TSHZ2: variants seen among roughly 807,000 people sequenced by gnomAD.
TSHZ2 encodes the protein teashirt zinc finger homeobox 2.
Under a neutral mutation model 74.4 loss-of-function variants are expected in TSHZ2, and 21 were observed. The ratio of observed to expected loss-of-function variants is 0.28; its 90% confidence interval spans 0.20 to 0.41. TSHZ2 has a LOEUF of 0.41. Ranked by LOEUF, TSHZ2 falls within the 10% of genes least tolerant of loss-of-function variation. The probability of loss-of-function intolerance (pLI) is 1.00; values close to 1 mark genes in which losing one functional copy is unlikely to be tolerated. For synonymous variants in TSHZ2, 540 were observed against 515.3 expected (o/e 1.05, Z -0.65); for missense variants, 1,244 against 1,293.5 (o/e 0.96, Z 0.59).
At chr20:52,991,094 G>A (rs1981968294) in intron 1 of TSHZ2, among the ~76,000 whole-genome samples, 1 of 151,786 alleles carries the variant, frequency 6.6e-6, no homozygotes, top group African/African-American at 2.4e-5. Flanking sequence ...GGCAGGGGAA[G>A]AGAGCATGAA....
chr20:53,142,427 A>G (rs1237669739), intron 1 of TSHZ2, among the ~76,000 whole-genome samples: 1 of 152,216 alleles, frequency 6.6e-6, no homozygotes, highest in East Asian at 1.9e-4. Context: ...ACCAGGTCAC[A>G]TGTACAGGCT....
intron 1 of TSHZ2, among the ~76,000 whole-genome samples, chr20:53,009,030 TCA>T (rs1555814422): frequency 7.1e-5 from 10 of 141,354 alleles, no homozygotes; most frequent in African/African-American, 1.3e-4. Context: ...TCTCTCTCTC[TCA>T]AAATATCTTG....
chr20:53,242,679 A>G (rs1990100187), intron 1 of TSHZ2, among the ~76,000 whole-genome samples: 1 of 152,150 alleles, frequency 6.6e-6, no homozygotes. Flanking sequence ...ATCCAAAGCA[A>G]TATTCTGTTT....
At chr20:53,358,278 A>C (rs927958715) in intron 2 of TSHZ2, among the ~76,000 whole-genome samples, 4 of 151,460 alleles carry the variant, frequency 2.6e-5, no homozygotes, top group Non-Finnish European at 5.9e-5. Flanking sequence ...AACTGGGACA[A>C]AATCCTAGCA....
chr20:53,340,501 T>G (rs905865824), intron 2 of TSHZ2, among the ~76,000 whole-genome samples: 1 of 152,110 alleles, frequency 6.6e-6, no homozygotes, highest in African/African-American at 2.4e-5. Context: ...CAAGGTGATT[T>G]TTCAAAAAAT....
At chr20:53,001,984 G>T (rs1982458825) in intron 1 of TSHZ2, among the ~76,000 whole-genome samples, 1 of 152,170 alleles carries the variant, frequency 6.6e-6, no homozygotes, top group Non-Finnish European at 1.5e-5. Flanking sequence ...AACGGAAGTT[G>T]TCAACACTCA....
chr20:53,470,770 G>A (rs62206377), intron 2 of TSHZ2, among the ~76,000 whole-genome samples: 18 of 152,086 alleles, frequency 1.2e-4, no homozygotes, highest in African/African-American at 3.1e-4. Flanking sequence ...CGGAGATTGC[G>A]CCACTGCACT....
At chr20:53,109,291 T>C in intron 1 of TSHZ2, among the ~76,000 whole-genome samples, 1 of 152,244 alleles carries the variant, frequency 6.6e-6, no homozygotes, top group East Asian at 1.9e-4. Context: ...GCTCATCTAC[T>C]CTCAGGTAAT....
At chr20:52,994,740 C>G (rs964787595) in intron 1 of TSHZ2, among the ~76,000 whole-genome samples, 4 of 152,146 alleles carry the variant, frequency 2.6e-5, no homozygotes, top group African/African-American at 9.7e-5. Flanking sequence ...TGGTTGGCCA[C>G]TCTGAGTGTT....
At chr20:53,217,877 C>CA (rs1359438864) in intron 1 of TSHZ2, among the ~76,000 whole-genome samples, 1 of 152,008 alleles carries the variant, frequency 6.6e-6, no homozygotes, top group African/African-American at 2.4e-5. Flanking sequence ...CCTTTGCAAA[C>CA]AAAAAAACTA....
Position 53,255,423 on chromosome 20 carries a change from G to T in TSHZ2, c.1965G>T (p.Glu655Asp). The change falls in exon 2 of 3, where the codon GAG (glutamate) becomes GAT (aspartate). Residue 655 changes from glutamate (E) to aspartate (D), a missense_variant. Around this residue, in one of 6 missense-constraint regions of TSHZ2, gnomAD observed 562 missense variants for 544.0 expected, o/e 1.03. Transcript: ENST00000371497. This position sits in a 1 kb window ranked among gnomAD's most constrained non-coding sequence, Gnocchi z 4.1. ...AGCTGGGTCCCCTGAAGGAGGAGGA[G>T]AAGCTGATGAAAGAGGGCAGCGAGA... ...KTELGPLKEE[E>D]KLMKEGSEKE... 6.2e-7 allele frequency: 1 copy of T among 1,613,078 alleles called. No individual in the cohort carries two copies. The highest frequency in any genetic ancestry group is 8.5e-7 in the Non-Finnish European group (1 of 1,180,030).
chr20:53,024,751 G>A (rs1451161764), intron 1 of TSHZ2, among the ~76,000 whole-genome samples: 4 of 152,058 alleles, frequency 2.6e-5, no homozygotes, highest in Admixed American at 6.6e-5. Context: ...GCAGTGTTTC[G>A]TTTTCTGTTC....
Position 53,253,871 on chromosome 20 carries a change from G to A in TSHZ2, c.413G>A (p.Trp138Ter). The A allele has an allele frequency of 6.2e-7, 1 of 1,614,192 alleles. No individual in the cohort carries two copies. Among genetic ancestry groups the A allele is most frequent in the Non-Finnish European group, 8.5e-7 (1 of 1,180,020 alleles). Residue 138 changes from tryptophan to a stop codon, truncating the protein, a stop_gained, in exon 2 of 3, where the codon TGG (tryptophan) becomes TAG (stop). Coordinates refer to ENST00000371497, the MANE Select transcript of TSHZ2 (RefSeq NM_173485.6). LOFTEE classifies it high-confidence loss of function. The stretch of plus-strand genomic sequence containing the variant: ...GCCAACATCCTGTCGGATTCCTACT[G>A]GTCAGGCCTGGGCCTTGGCTTCAAG... Reference protein sequence around the residue: ...VYANILSDSYWSGLGLGFKLS... With the variant: ...VYANILSDSY
intron 1 of TSHZ2, among the ~76,000 whole-genome samples, chr20:53,212,567 TAATC>T (rs993031114): frequency 1.3e-5 from 2 of 152,206 alleles, no homozygotes; most frequent in African/African-American, 4.8e-5. Context: ...GTTTATATAA[TAATC>T]AGGACTGCTT....
chr20:53,194,580 C>A (rs138901420), intron 1 of TSHZ2, among the ~76,000 whole-genome samples: 374 of 152,300 alleles, frequency 2.5e-3, no homozygotes, highest in Non-Finnish European at 4.2e-3. Context: ...CCCCTTAACC[C>A]TTTAGGGGTA....
chr20:53,184,406 G>A (rs562238981), intron 1 of TSHZ2, among the ~76,000 whole-genome samples: 1 of 152,140 alleles, frequency 6.6e-6, no homozygotes, highest in African/African-American at 2.4e-5. Context: ...ACTGTGTTTT[G>A]GAGGTCAATA....
At chr20:53,057,156 T>C (rs546927825) in intron 1 of TSHZ2, among the ~76,000 whole-genome samples, 1 of 152,316 alleles carries the variant, frequency 6.6e-6, no homozygotes, top group African/African-American at 2.4e-5. Context: ...TTGTGGGGCC[T>C]CCCCAGCCAT....
rs534217245 is a variant in TSHZ2, at chr20:53,320,354, G to A, written c.*8+63783G>A. ...GAGGCAGTCTGGATCTGCTGGTCCT[G>A]TCTAGAAACACTATGTTTCCCATCT... On this transcript the variant is annotated intron_variant, in intron 2 of 2. Transcript: ENST00000371497. 5.3e-5 allele frequency among the ~76,000 whole-genome samples: 8 copies of A among 152,332 alleles called. No homozygotes were observed. The East Asian group carries it at 1.3e-3, about 26-fold the overall frequency.
At chr20:53,238,562 A>C (rs1989990462) in intron 1 of TSHZ2, among the ~76,000 whole-genome samples, 1 of 152,154 alleles carries the variant, frequency 6.6e-6, no homozygotes, top group Admixed American at 6.5e-5. Flanking sequence ...AAGAAGAGAG[A>C]AAGTTGTCAT....
Sources: gnomAD v4.1 joint callset for allele counts (sites outside exome capture counted in the v4.1 genomes callset) on GRCh38, gnomAD v4.1.1 for gene constraint, gnomAD v4.1.1 regional missense constraint, Gnocchi (gnomAD v3.1) non-coding constraint, MANE v1.5 for transcripts, NCBI Gene and HGNC (gene_info 2026-07-23, HGNC 2026-07-21) for gene names.